Variants in EXOC6B observed in about 807,000 individuals in gnomAD.
The protein encoded by EXOC6B is exocyst complex component 6B.
In EXOC6B, 54 loss-of-function variants were observed where a neutral mutation model predicts 113.5. That is an observed-to-expected ratio of 0.48 (90% CI 0.38 to 0.60). The LOEUF (loss-of-function observed/expected upper bound fraction) is 0.60, where lower values mean the gene tolerates loss of function less well. Among genes scored for constraint, EXOC6B ranks in the 20% least tolerant of loss-of-function variants. The pLI is 0.00. For synonymous variants in EXOC6B, 357 were observed against 339.0 expected (o/e 1.05, Z -0.58); for missense variants, 797 against 977.5 (o/e 0.82, Z 2.46).
At chr2:72,778,048 AAAAT>A (rs1489258376) in intron 1 of EXOC6B, among the ~76,000 whole-genome samples, 1 of 152,220 alleles carries the variant, frequency 6.6e-6, no homozygotes. Flanking sequence ...GAAGACACAC[AAAAT>A]AAATAGCAAA....
rs1039484102 is a variant in EXOC6B, at chr2:72,642,860, A to G, written c.670-67192T>C. On this transcript the variant is annotated intron_variant, in intron 6 of 21. Coordinates refer to ENST00000272427, the MANE Select transcript of EXOC6B (RefSeq NM_015189.3). ...AAATGGGAGAAAATTTTCACAACCT[A>G]CTCATCTGACAAAGGGCTAATATCC... 7.6e-4 allele frequency among the ~76,000 whole-genome samples: 114 copies of G among 150,858 alleles called. 2 individuals carry two copies. The highest frequency in any genetic ancestry group is 2.4e-3 in the African/African-American group (100 of 40,920).
chr2:72,443,337 A>G (rs1696346878), intron 18 of EXOC6B, among the ~76,000 whole-genome samples: 1 of 148,622 alleles, frequency 6.7e-6, no homozygotes, highest in Non-Finnish European at 1.5e-5. Context: ...AAAAAAAAAA[A>G]GAAAGAAAGA....
At chr2:72,317,775 C>G (rs531013240) in intron 20 of EXOC6B, among the ~76,000 whole-genome samples, 1 of 152,112 alleles carries the variant, frequency 6.6e-6, no homozygotes, top group Non-Finnish European at 1.5e-5. Context: ...ACCACTTCCT[C>G]TCCATTGTCA....
At chr2:72,635,030 A>C (rs955776024) in intron 6 of EXOC6B, among the ~76,000 whole-genome samples, 3 of 152,160 alleles carry the variant, frequency 2.0e-5, no homozygotes, top group African/African-American at 4.8e-5. Flanking sequence ...GAAAGTGAAA[A>C]TAAACCAAAC....
At chr2:72,604,382 T>A (rs1339819175) in intron 6 of EXOC6B, among the ~76,000 whole-genome samples, 1 of 152,204 alleles carries the variant, frequency 6.6e-6, no homozygotes, top group Non-Finnish European at 1.5e-5. Context: ...ACCATCCTTT[T>A]GATTCTTAAA....
chr2:72,815,491 C>CAAAAAAA, intron 1 of EXOC6B, among the ~76,000 whole-genome samples: 1 of 93,646 alleles, frequency 1.1e-5, no homozygotes, highest in Non-Finnish European at 2.3e-5. Context: ...GACCCTGTTT[C>CAAAAAAA]AAAAAAAAAA....
intron 20 of EXOC6B, among the ~76,000 whole-genome samples, chr2:72,308,575 A>G (rs1687018956): frequency 6.6e-6 from 1 of 152,208 alleles, no homozygotes; most frequent in South Asian, 2.1e-4. Flanking sequence ...TAAGTGAGTT[A>G]GTATACATAA....
At chr2:72,417,350 G>A (rs1694589957) in intron 18 of EXOC6B, among the ~76,000 whole-genome samples, 1 of 152,052 alleles carries the variant, frequency 6.6e-6, no homozygotes, top group Non-Finnish European at 1.5e-5. Flanking sequence ...TAGAGGCAGG[G>A]TTTCACCATG....
chr2:72,338,417 A>C (rs1688821865), intron 19 of EXOC6B, among the ~76,000 whole-genome samples: 1 of 152,174 alleles, frequency 6.6e-6, no homozygotes, highest in Admixed American at 6.6e-5. Context: ...ACAAAACATA[A>C]GAAAAAATTC....
At chr2:72,586,486 C>G (rs775691458) in intron 6 of EXOC6B, among the ~76,000 whole-genome samples, 1 of 152,146 alleles carries the variant, frequency 6.6e-6, no homozygotes, top group Non-Finnish European at 1.5e-5. Context: ...GGCGCGGTGG[C>G]TCAAGCCTGT....
chr2:72,195,720 A>G (rs1679127310), intron 20 of EXOC6B, among the ~76,000 whole-genome samples: 1 of 152,242 alleles, frequency 6.6e-6, no homozygotes. Context: ...GGCAGAGCTC[A>G]AAAATCTCCT....
chr2:72,265,649 A>G (rs2104601990), intron 20 of EXOC6B, among the ~76,000 whole-genome samples: 2 of 151,330 alleles, frequency 1.3e-5, no homozygotes, highest in East Asian at 1.9e-4. Flanking sequence ...AATCCAGTCT[A>G]TCATTGTTGG....
At chr2:72,758,692 A>C (rs1682586591) in intron 1 of EXOC6B, among the ~76,000 whole-genome samples, 1 of 152,184 alleles carries the variant, frequency 6.6e-6, no homozygotes, top group African/African-American at 2.4e-5. Context: ...AGACATAACA[A>C]ATTTTCCAGC....
intron 16 of EXOC6B, among the ~76,000 whole-genome samples, chr2:72,486,116 T>C (rs1327059439): frequency 6.6e-6 from 1 of 152,178 alleles, no homozygotes; most frequent in Non-Finnish European, 1.5e-5. Flanking sequence ...ATGCCTGTAA[T>C]CCCAGCACTT....
chr2:72,465,735 T>A (rs748503187), intron 17 of EXOC6B, among the ~76,000 whole-genome samples: 14 of 152,224 alleles, frequency 9.2e-5, no homozygotes, highest in Non-Finnish European at 1.9e-4. Context: ...TAAAATTCCA[T>A]CAACACAGAC....
At chr2:72,764,358 TTC>T (rs1682930801) in intron 1 of EXOC6B, among the ~76,000 whole-genome samples, 3 of 147,346 alleles carry the variant, frequency 2.0e-5, no homozygotes, top group Non-Finnish European at 4.5e-5. Context: ...CTCCCTTATT[TTC>T]TCTCTTTTTT....
At chr2:72,435,565 C>T (rs1324217090) in intron 18 of EXOC6B, among the ~76,000 whole-genome samples, 2 of 152,148 alleles carry the variant, frequency 1.3e-5, no homozygotes, top group Non-Finnish European at 2.9e-5. Flanking sequence ...TCTTTAAGAA[C>T]TTGCTTTATG....
rs769900427 is a variant in EXOC6B at position 72,379,879 on chromosome 2, C to T, written c.1981-9G>A. The stretch of plus-strand genomic sequence containing the variant: ...GTCTGGGCCACCTTTCCCTGAAACA[C>T]AAGAGTGTAAATCATAAAGTTAATG... On this transcript the variant is annotated splice_polypyrimidine_tract_variant and intron_variant, in intron 18 of 21. Transcript: ENST00000272427. 9 of 1,597,558 alleles carry T rather than the reference C, an allele frequency of 5.6e-6. No individual in the cohort carries two copies. The highest frequency in any genetic ancestry group is 6.8e-6 in the Non-Finnish European group (8 of 1,171,554).
At chr2:72,715,342 T>C (rs547760961) in intron 6 of EXOC6B, among the ~76,000 whole-genome samples, 49 of 151,566 alleles carry the variant, frequency 3.2e-4, no homozygotes, top group Non-Finnish European at 6.2e-4. Context: ...CAGATATAGA[T>C]ATATAGATAT....
Sources: gnomAD v4.1 joint callset for allele counts (sites outside exome capture counted in the v4.1 genomes callset) on GRCh38, gnomAD v4.1.1 for gene constraint, MANE v1.5 for transcripts, NCBI Gene and HGNC (gene_info 2026-07-23, HGNC 2026-07-21) for gene names.